CEP162: variants seen among roughly 807,000 people sequenced by gnomAD.
CEP162 encodes the protein centrosomal protein 162.
In CEP162, 141 loss-of-function variants were observed where a neutral mutation model predicts 169.2. The ratio of observed to expected loss-of-function variants is 0.83; its 90% CI spans 0.73 to 0.96. The LOEUF is 0.96. Among genes scored for constraint, CEP162 ranks in the 40% least tolerant of loss-of-function variants. The probability of loss-of-function intolerance (pLI) is 0.00; values close to 1 mark genes in which losing one functional copy is unlikely to be tolerated. For synonymous variants in CEP162, 540 were observed against 526.4 expected (o/e 1.03, Z -0.35); for missense variants, 1,600 against 1,587.2 (o/e 1.01, Z -0.14).
intron 3 of CEP162, 54 bp downstream of exon 3, chr6:84,221,003 T>C: frequency 1.1e-6 from 1 of 906,812 alleles, no homozygotes; most frequent in South Asian, 1.4e-5. Flanking sequence ...TCCAGAAGTC[T>C]TGACTGACCC....
chr6:84,185,100 T>G (rs1338990477), intron 13 of CEP162, 87 bp downstream of exon 13: 1 of 1,221,896 alleles, frequency 8.2e-7, no homozygotes, highest in Non-Finnish European at 1.1e-6. Context: ...GCAAATTGAA[T>G]CTTACAAATG....
rs569079504 is a variant in CEP162 at position 84,179,346 on chromosome 6, C to T, written c.1664-3999G>A. Among the ~76,000 whole-genome samples the T allele has an allele frequency of 7.3e-3, 1,106 of 152,246 alleles. 11 individuals are homozygous for T. Among genetic ancestry groups the T allele is most frequent in the African/African-American group, 0.025 (1,047 of 41,544 alleles). On this transcript the variant is annotated intron_variant, in intron 13 of 26. Transcript: ENST00000403245. Reference sequence around the variant, plus strand: ...TGTTGTTTCCTGACTTTTTAATGATCGCCATTCTAACTGGTGTGAGATGGT... The same window carrying T: ...TGTTGTTTCCTGACTTTTTAATGATTGCCATTCTAACTGGTGTGAGATGGT...
intron 13 of CEP162, among the ~76,000 whole-genome samples, chr6:84,181,936 G>A (rs1314522831): frequency 6.6e-6 from 1 of 151,960 alleles, no homozygotes; most frequent in African/African-American, 2.4e-5. Flanking sequence ...TACAGTTATG[G>A]CAATCTTTGA....
chr6:84,190,291 A>G (rs2099539286), intron 11 of CEP162, among the ~76,000 whole-genome samples: 1 of 152,128 alleles, frequency 6.6e-6, no homozygotes, highest in Admixed American at 6.5e-5. Context: ...GGGATTGTAA[A>G]CGCACCAATC....
At chr6:84,178,499 T>C (rs141808316) in intron 13 of CEP162, among the ~76,000 whole-genome samples, 21 of 152,298 alleles carry the variant, frequency 1.4e-4, no homozygotes, top group Non-Finnish European at 2.1e-4. Context: ...ATTTTTTCAA[T>C]AAATTTATTC....
chr6:84,188,611 C>A (rs2099538299), intron 11 of CEP162, among the ~76,000 whole-genome samples: 1 of 152,156 alleles, frequency 6.6e-6, no homozygotes, highest in African/African-American at 2.4e-5. Flanking sequence ...ATGTATCACA[C>A]TTTCTTTATC....
At chr6:84,206,935 G>A (rs1341818267) in intron 6 of CEP162, among the ~76,000 whole-genome samples, 1 of 152,192 alleles carries the variant, frequency 6.6e-6, no homozygotes, top group Non-Finnish European at 1.5e-5. Flanking sequence ...CTTCTCAAAA[G>A]AAGACATTTA....
In CEP162 at chr6:84,204,054, G is replaced by T. The variant is rs774972392; in HGVS notation, c.614C>A (p.Pro205Gln). The change falls in exon 7 of 27, where the codon CCG becomes CAG. Residue 205 changes from proline (P) to glutamine (Q), a missense_variant. Coordinates refer to ENST00000403245, the MANE Select transcript of CEP162 (RefSeq NM_014895.4). ...DDFEDEYVGAPLTTKDEEMPS... is the reference protein window; with the variant it reads ...DDFEDEYVGAQLTTKDEEMPS... ...CATCTCTTCATCTTTAGTAGTCAAC[G>T]GTGCACCAACATACTCATCTTCAAA... is the stretch of plus-strand genomic sequence containing the variant. 1.9e-5 allele frequency: 30 copies of T among 1,608,290 alleles called. No individual in the cohort carries two copies. Among genetic ancestry groups the T allele is most frequent in the African/African-American group, 2.7e-5 (2 of 74,638 alleles).
intron 21 of CEP162, among the ~76,000 whole-genome samples, chr6:84,159,523 T>TATATATATATATATATATATATATA (rs1554166778): frequency 2.7e-5 from 1 of 37,138 alleles, no homozygotes; most frequent in Non-Finnish European, 4.7e-5. Context: ...AATTAATTAT[T>TATATATATATATATATATATATATA]TATATATATA....
intron 6 of CEP162, among the ~76,000 whole-genome samples, chr6:84,211,866 C>A (rs2099549619): frequency 6.9e-6 from 1 of 145,060 alleles, no homozygotes. Context: ...ATAAGAAAAG[C>A]ATACCATGAT....
At chr6:84,201,690 C>G in intron 8 of CEP162, 47 bp downstream of exon 8, 1 of 967,054 alleles carries the variant, frequency 1.0e-6, no homozygotes, top group South Asian at 1.6e-5. Context: ...AAATTCTGAA[C>G]AGACTAATTT....
At chr6:84,169,303 T>A in intron 18 of CEP162, 25 bp downstream of exon 18, 1 of 1,269,910 alleles carries the variant, frequency 7.9e-7, no homozygotes, top group Admixed American at 2.4e-5. Flanking sequence ...TTATCCCTAA[T>A]AGTCAAAATC....
chr6:84,146,376 A>G (rs2099518868), intron 25 of CEP162, among the ~76,000 whole-genome samples: 2 of 152,154 alleles, frequency 1.3e-5, no homozygotes, highest in Admixed American at 6.6e-5. Flanking sequence ...TACTTAACAC[A>G]GAAATGGACT....
chr6:84,203,612 T>C (rs998747640), intron 7 of CEP162, among the ~76,000 whole-genome samples: 1 of 152,092 alleles, frequency 6.6e-6, no homozygotes, highest in African/African-American at 2.4e-5. Flanking sequence ...ACTTTGCTAA[T>C]TTTTTAAAAA....
chr6:84,153,957 A>G (rs1387431401), intron 22 of CEP162, among the ~76,000 whole-genome samples: 1 of 152,142 alleles, frequency 6.6e-6, no homozygotes, highest in East Asian at 1.9e-4. Flanking sequence ...AGAAGGTGGG[A>G]AGACTGCACA....
intron 13 of CEP162, among the ~76,000 whole-genome samples, chr6:84,184,131 C>G (rs186231664): frequency 6.6e-6 from 1 of 152,136 alleles, no homozygotes; most frequent in African/African-American, 2.4e-5. Context: ...CCACTGTGCA[C>G]CAGATCCCGT....
intron 6 of CEP162, among the ~76,000 whole-genome samples, chr6:84,211,224 G>GA (rs112773500): frequency 2.4e-4 from 34 of 142,218 alleles, no homozygotes; most frequent in South Asian, 6.7e-4. Context: ...TAGAGTGAAA[G>GA]AAAAAAAAAA....
At chr6:84,213,151 T>A in intron 5 of CEP162, 127 bp from the exon 6 acceptor site, 1 of 513,348 alleles carries the variant, frequency 1.9e-6, no homozygotes, top group East Asian at 3.2e-5. Flanking sequence ...TTTTGTTCTA[T>A]CAAAAGCTAA....
In CEP162 at chr6:84,185,270, G is replaced by A; in HGVS notation, c.1580C>T (p.Thr527Ile). Residue 527 changes from threonine to isoleucine, a missense_variant, in exon 13 of 27, where the codon ACT becomes ATT. Thr to Ile is a moderately conservative substitution (Grantham distance 89). Coordinates refer to ENST00000403245, the MANE Select transcript of CEP162 (RefSeq NM_014895.4). Reference sequence around the variant, plus strand: ...GTCCTCTGAAGTTTTCTTTTCAAGAGTAGAAAACATCTTGAGTGGTGAACT... The same window carrying A: ...GTCCTCTGAAGTTTTCTTTTCAAGAATAGAAAACATCTTGAGTGGTGAACT... Reference protein sequence around the residue: ...KPSSPLKMFSTLEKKTSEDII... With the variant: ...KPSSPLKMFSILEKKTSEDII... 2 of 1,613,286 alleles carry A rather than the reference G, an allele frequency of 1.2e-6. No homozygotes were observed. The highest frequency in any genetic ancestry group is 1.7e-6 in the Non-Finnish European group (2 of 1,179,302).
Sources: allele counts gnomAD v4.1 joint callset (sites outside exome capture counted in the v4.1 genomes callset), GRCh38; gene constraint gnomAD v4.1.1; transcripts MANE v1.5; gene names NCBI Gene and HGNC (gene_info 2026-07-23, HGNC 2026-07-21).